The following ZBTB48 variants were observed in gnomAD, a reference collection of about 807,000 sequenced individuals.
ZBTB48 encodes zinc finger and BTB domain containing 48.
Under a neutral mutation model 64.5 loss-of-function variants are expected in ZBTB48, and 35 were observed. The ratio of observed to expected loss-of-function variants is 0.54; its 90% confidence interval spans 0.41 to 0.72. The LOEUF (loss-of-function observed/expected upper bound fraction) is 0.72, where lower values mean the gene tolerates loss of function less well. ZBTB48 is among the 30% of genes least tolerant of loss of function. The probability of loss-of-function intolerance (pLI) is 0.00; values close to 1 mark genes in which losing one functional copy is unlikely to be tolerated. For synonymous variants in ZBTB48, 442 were observed against 356.7 expected, an observed-to-expected ratio of 1.24 and a Z score of -2.70; for missense variants, 828 against 895.3, an observed-to-expected ratio of 0.92 and a Z score of 0.96.
Position 6,580,695 on chromosome 1 carries a change from C to T in ZBTB48, c.86C>T (p.Thr29Ile), listed in dbSNP as rs1476190751. ...QREKGQYCDATLDVGGLVFKA... is the reference protein window; with the variant it reads ...QREKGQYCDAILDVGGLVFKA... ...GAGAAGGGCCAGTACTGCGACGCCACTCTGGACGTGGGGGGCCTGGTGTTT... is the reference window on the plus strand; with the variant it reads ...GAGAAGGGCCAGTACTGCGACGCCATTCTGGACGTGGGGGGCCTGGTGTTT... The change falls in exon 2 of 11, where the codon ACT becomes ATT. Residue 29 changes from threonine (T) to isoleucine (I), a missense_variant. Thr to Ile is a moderately conservative substitution (Grantham distance 89). Transcript: ENST00000377674. This position sits in a 1 kb window ranked among gnomAD's most constrained non-coding sequence, Gnocchi z 5.2. The T allele has an allele frequency of 1.9e-6, 3 of 1,614,182 alleles. No homozygotes were observed. The highest frequency in any genetic ancestry group is 3.3e-5 in the Admixed American group (2 of 60,032).
intron 8 of ZBTB48, 27 bp downstream of exon 8, chr1:6,588,223 G>A (rs560478283): frequency 8.7e-6 from 14 of 1,613,056 alleles, no homozygotes; most frequent in Middle Eastern, 1.7e-4. Flanking sequence ...CCCTCCCCTC[G>A]CCTCCCCATC....
In ZBTB48 at chr1:6,584,429, G is replaced by C. The variant is rs927604036; in HGVS notation, c.933-1490G>C. On this transcript the variant is annotated intron_variant, in intron 3 of 10. Transcript: ENST00000377674. This position sits in a 1 kb window ranked among gnomAD's most constrained non-coding sequence, Gnocchi z 4.5. ...TGTGGGGATGGCGGCCCAGTGGCAT[G>C]CCTTCCAGTCCTGCCACTCCCAGCC... 6.6e-6 allele frequency among the ~76,000 whole-genome samples: 1 copy of C among 152,170 alleles called. No individual in the cohort carries two copies. The highest frequency in any genetic ancestry group is 1.5e-5 in the Non-Finnish European group (1 of 68,026).
Position 6,580,541 on chromosome 1 carries a change from G to C in ZBTB48, c.-69G>C. On this transcript the variant is annotated splice_region_variant and 5_prime_UTR_variant, in exon 2 of 11. Transcript: ENST00000377674. This position sits in a 1 kb window ranked among gnomAD's most constrained non-coding sequence, Gnocchi z 5.2. ...TCCCGTTTCTCTCTCTTGACTCCAG[G>C]AGCTTTCTCTTGCATACCCTCGCTT... 6.7e-7 allele frequency: 1 copy of C among 1,500,332 alleles called. No homozygotes were observed. Among genetic ancestry groups the C allele is most frequent in the East Asian group, 2.3e-5 (1 of 43,974 alleles). The allele number at this position is 1,500,332 out of a possible 1,614,324, so 92.9% of individuals were successfully genotyped here.
chr1:6,580,482 C>T lies in ZBTB48; in HGVS notation c.-69-59C>T. 2 of 987,508 alleles carry T rather than the reference C, an allele frequency of 2.0e-6. No individual in the cohort carries two copies. The highest frequency in any genetic ancestry group is 2.6e-5 in the East Asian group (1 of 38,276). 61.2% of individuals were successfully genotyped at this position (987,508 alleles called of 1,614,324 possible). ...CCTCACCCTGACCCAAGCCCTCGTG[C>T]TGATAAATATGATTATTTGAGTAGA... On this transcript the variant is annotated intron_variant, in intron 1 of 10. Transcript: ENST00000377674. This position sits in a 1 kb window ranked among gnomAD's most constrained non-coding sequence, Gnocchi z 5.2.
In ZBTB48 at chr1:6,587,196, C is replaced by CT; in HGVS notation, c.1138-4dup. ...CCGCCCTGGAGGTGACTGTGGGCCT[C>CT]TTTTTCAGTGTTCCTCCTGCTCCCA... On this transcript the variant is annotated splice_polypyrimidine_tract_variant and intron_variant, in intron 5 of 10. Coordinates refer to ENST00000377674, the MANE Select transcript of ZBTB48 (RefSeq NM_005341.4). 1.2e-6 allele frequency: 2 copies of CT among 1,613,922 alleles called. No individual in the cohort carries two copies. Among genetic ancestry groups the CT allele is most frequent in the African/African-American group, 2.7e-5 (2 of 75,040 alleles).
rs1281348413 is a variant in ZBTB48, at chr1:6,589,247, C to A, written c.*35C>A. 60 of 1,486,878 alleles carry A rather than the reference C, an allele frequency of 4.0e-5. No individual in the cohort carries two copies. Among genetic ancestry groups the A allele is most frequent in the Non-Finnish European group, 4.9e-5 (55 of 1,124,944 alleles). 92.1% of individuals were successfully genotyped at this position (1,486,878 alleles called of 1,614,324 possible). ...GCCACCAGAGCCCACTTGGCCCCACCCCTCAATAAACCGTGTGGCTTTGGA... is the reference window on the plus strand; with the variant it reads ...GCCACCAGAGCCCACTTGGCCCCACACCTCAATAAACCGTGTGGCTTTGGA... On this transcript the variant is annotated 3_prime_UTR_variant, in exon 11 of 11. Coordinates refer to ENST00000377674, the MANE Select transcript of ZBTB48 (RefSeq NM_005341.4).
Position 6,588,438 on chromosome 1 carries a change from C to T in ZBTB48, c.1677C>T (p.Phe559=). Residue 559 remains phenylalanine (F), a synonymous_variant, in exon 9 of 11, where the codon TTC becomes TTT. Coordinates refer to ENST00000377674, the MANE Select transcript of ZBTB48 (RefSeq NM_005341.4). ...PHFCQICGKT[F]KAVEQLRVHV... ...TCTGCCAGATATGCGGCAAGACCTT[C>T]AAAGGTACCTGGGCGGCCCTGGGAG... The T allele has an allele frequency of 6.5e-7, 1 of 1,535,172 alleles. No homozygotes were observed. The highest frequency in any genetic ancestry group is 8.8e-7 in the Non-Finnish European group (1 of 1,139,600).
In ZBTB48 at chr1:6,587,539, A is replaced by C. The variant is rs767850089; in HGVS notation, c.1286A>C (p.Lys429Thr). Reference protein sequence around the residue: ...RTELQLHEAFKHRGEKLFVCE... With the variant: ...RTELQLHEAFTHRGEKLFVCE... Reference sequence around the variant, plus strand: ...GAGCTGCAGCTGCATGAAGCTTTCAAGCACCGTGGTGAGAAGCTGTTTGTG... The same window carrying C: ...GAGCTGCAGCTGCATGAAGCTTTCACGCACCGTGGTGAGAAGCTGTTTGTG... The change falls in exon 7 of 11, where the codon AAG becomes ACG. Residue 429 changes from lysine to threonine, a missense_variant. By Grantham distance (78) the Lys-to-Thr change is moderately conservative. Coordinates refer to ENST00000377674, the MANE Select transcript of ZBTB48 (RefSeq NM_005341.4). The C allele has an allele frequency of 1.9e-6, 3 of 1,613,956 alleles. No homozygotes were observed. Among genetic ancestry groups the C allele is most frequent in the African/African-American group, 1.3e-5 (1 of 74,924 alleles).
In ZBTB48 at chr1:6,582,165, A is replaced by T; in HGVS notation, c.798A>T (p.Ala266=). Residue 266 remains alanine (A), a synonymous_variant, in exon 3 of 11, where the codon GCA becomes GCT. Transcript: ENST00000377674. ...RKSNVIRKPC[A]AEPALSAGSL... is the part of the protein sequence containing the mutation. ...CAAATGTAATCCGAAAGCCCTGTGCAGCTGAGCCAGCCCTGAGCGCGGGCT... is the reference window on the plus strand; with the variant it reads ...CAAATGTAATCCGAAAGCCCTGTGCTGCTGAGCCAGCCCTGAGCGCGGGCT... 1 of 1,614,232 alleles carries T rather than the reference A, an allele frequency of 6.2e-7. No homozygotes were observed. The highest frequency in any genetic ancestry group is 8.5e-7 in the Non-Finnish European group (1 of 1,180,038).
Position 6,582,117 on chromosome 1 carries a change from G to C in ZBTB48, c.750G>C (p.Glu250Asp). Residue 250 changes from glutamate to aspartate, a missense_variant, in exon 3 of 11, where the codon GAG (glutamate) becomes GAC (aspartate). Physicochemically the swap from Glu to Asp is conservative, Grantham distance 45. Coordinates refer to ENST00000377674, the MANE Select transcript of ZBTB48 (RefSeq NM_005341.4). Reference protein sequence around the residue: ...DGDGDYMSEPEAVLTRRKSNV... With the variant: ...DGDGDYMSEPDAVLTRRKSNV... ...ATGGCGATTACATGTCTGAGCCTGA[G>C]GCTGTGCTGACCAGGAGGAAGTCAA... 6.2e-7 allele frequency: 1 copy of C among 1,614,190 alleles called. No individual in the cohort carries two copies. Among genetic ancestry groups the C allele is most frequent in the Non-Finnish European group, 8.5e-7 (1 of 1,180,038 alleles).
intron 4 of ZBTB48, chr1:6,586,237 C>A: frequency 1.7e-6 from 1 of 601,370 alleles, no homozygotes; most frequent in Non-Finnish European, 2.9e-6. Context: ...ATAGGAGGGA[C>A]TCTGTGGGAG....
At chr1:6,586,247 G>A (rs1640662547) in intron 4 of ZBTB48, 1 of 582,104 alleles carries the variant, frequency 1.7e-6, no homozygotes. Context: ...CTCTGTGGGA[G>A]GCATTTGGGG....
rs1479385368 is a variant in ZBTB48, at chr1:6,589,126, T to C, written c.1981T>C (p.Cys661Arg). ...CTCCCAGCTCCCCGGCCAGAGACTGTGTGCAGAGGAGAGCTTCACCGGCCC... is the reference window on the plus strand; with the variant it reads ...CTCCCAGCTCCCCGGCCAGAGACTGCGTGCAGAGGAGAGCTTCACCGGCCC... ...LASQLPGQRL[C>R]AEESFTGPGV... Residue 661 changes from cysteine to arginine, a missense_variant, in exon 11 of 11, where the codon TGT becomes CGT. Coordinates refer to ENST00000377674, the MANE Select transcript of ZBTB48 (RefSeq NM_005341.4). The C allele has an allele frequency of 3.7e-6, 6 of 1,600,526 alleles. No individual in the cohort carries two copies. In the African/African-American group the frequency reaches 6.7e-5, roughly 18 times the overall value.
chr1:6,588,536 T>C, intron 9 of ZBTB48, 94 bp downstream of exon 9: 2 of 1,450,474 alleles, frequency 1.4e-6, no homozygotes, highest in South Asian at 2.9e-5. Context: ...TGAACCTCTT[T>C]TGTGCCCCAC....
intron 3 of ZBTB48, among the ~76,000 whole-genome samples, chr1:6,583,135 C>T (rs190383504): frequency 6.7e-4 from 101 of 151,424 alleles, no homozygotes; most frequent in Non-Finnish European, 1.3e-3. Flanking sequence ...GGATTACAGG[C>T]ACATGCCACC....
intron 3 of ZBTB48, among the ~76,000 whole-genome samples, chr1:6,583,501 A>G (rs950596298): frequency 2.0e-5 from 3 of 149,350 alleles, no homozygotes; most frequent in African/African-American, 5.0e-5. Flanking sequence ...GGGCTTCACT[A>G]TCTTGGCCAG....
At position 6,584,004 on chromosome 1, in the gene ZBTB48, G is replaced by A. The variant is rs577180363; in HGVS notation, c.932+1705G>A. Among the ~76,000 whole-genome samples, 47 of 151,710 alleles carry A rather than the reference G, an allele frequency of 3.1e-4. No individual in the cohort carries two copies. Among genetic ancestry groups the A allele is most frequent in the African/African-American group, 1.1e-3 (44 of 41,328 alleles). Reference sequence around the variant, plus strand: ...TCAGCATGTTGGTCAGGCTGGTTTCGAACTCCTGACCTTGTGATCCACCTG... The same window carrying A: ...TCAGCATGTTGGTCAGGCTGGTTTCAAACTCCTGACCTTGTGATCCACCTG... On this transcript the variant is annotated intron_variant, in intron 3 of 10. Transcript: ENST00000377674. This position sits in a 1 kb window ranked among gnomAD's most constrained non-coding sequence, Gnocchi z 4.5.
rs747963375 is a variant in ZBTB48, at chr1:6,586,766, C to T, written c.1116C>T (p.His372=). The T allele has an allele frequency of 1.2e-6, 2 of 1,607,354 alleles. No homozygotes were observed. The highest frequency in any genetic ancestry group is 2.2e-5 in the South Asian group (2 of 90,490). Residue 372 remains histidine (H), a synonymous_variant, in exon 5 of 11, where the codon CAC becomes CAT. Coordinates refer to ENST00000377674, the MANE Select transcript of ZBTB48 (RefSeq NM_005341.4). ...AGCTGCGGGTGCACATGGTGTCTCA[C>T]ACAGGGGAGATGCCCTACAAGGTCA... is the stretch of plus-strand genomic sequence containing the variant. The part of the protein sequence containing the change: ...RMELRVHMVS[H]TGEMPYKCSS...
Position 6,588,346 on chromosome 1 carries a change from C to A in ZBTB48, c.1585C>A (p.Arg529Ser), listed in dbSNP as rs778551042. 1 of 1,606,456 alleles carries A rather than the reference C, an allele frequency of 6.2e-7. No individual in the cohort carries two copies. Among genetic ancestry groups the A allele is most frequent in the Non-Finnish European group, 8.5e-7 (1 of 1,174,510 alleles). ...CTTCAGTTGCGAGTTCTGTGAACAG[C>A]GCTTCACTGAGAAGGGGCCCCTCCT... ...RPFSCEFCEQ[R>S]FTEKGPLLRH... is the part of the protein sequence containing the mutation. Residue 529 changes from arginine to serine, a missense_variant, in exon 9 of 11, where the codon CGC (arginine) becomes AGC (serine). Coordinates refer to ENST00000377674, the MANE Select transcript of ZBTB48 (RefSeq NM_005341.4).
Sources: allele counts gnomAD v4.1 joint callset (sites outside exome capture counted in the v4.1 genomes callset), GRCh38; gene constraint gnomAD v4.1.1; non-coding constraint Gnocchi (gnomAD v3.1); transcripts MANE v1.5; gene names NCBI Gene and HGNC (gene_info 2026-07-23, HGNC 2026-07-21).